Variants in TUB observed in about 807,000 individuals in gnomAD.
TUB encodes the protein TUB bipartite transcription factor.
TUB carries 33 observed loss-of-function variants against 59.7 expected under a neutral mutation model. That is an observed-to-expected ratio of 0.55 (90% confidence interval 0.42 to 0.74). TUB has a LOEUF of 0.74. Among genes scored for constraint, TUB ranks in the 30% least tolerant of loss-of-function variants. The pLI is 0.00. For synonymous variants in TUB, 293 were observed against 256.4 expected (o/e 1.14, Z -1.36); for missense variants, 659 against 672.0 (o/e 0.98, Z 0.21).
Position 8,090,147 on chromosome 11 carries a change from C to A in TUB, c.169C>A (p.Arg57=). ...MVQANADGRP[R]SRRARQSEEQ... is the part of the protein sequence containing the mutation. ...GCAGGCCAATGCAGATGGGCGGCCC[C>A]GGAGCCGGCGGGCCCGGCAGTCAGA... is the stretch of plus-strand genomic sequence containing the variant. The change falls in exon 3 of 12, where the codon CGG becomes AGG. Residue 57 remains arginine (R), a synonymous_variant. Transcript: ENST00000299506. 2 of 1,613,606 alleles carry A rather than the reference C, an allele frequency of 1.2e-6. No individual in the cohort carries two copies. Among genetic ancestry groups the A allele is most frequent in the Non-Finnish European group, 1.7e-6 (2 of 1,179,900 alleles).
intron 1 of TUB, 37 bp from the exon 2 acceptor site, chr11:8,089,573 A>G: frequency 6.2e-7 from 1 of 1,613,948 alleles, no homozygotes; most frequent in Non-Finnish European, 8.5e-7. Flanking sequence ...CTGGCACCTC[A>G]CGGGCAAGCC....
chr11:8,057,681 C>G (rs999905683), intron 2 of TUB, among the ~76,000 whole-genome samples: 3 of 152,070 alleles, frequency 2.0e-5, no homozygotes, highest in African/African-American at 4.8e-5. Context: ...CTTCAGCCCT[C>G]CAATAAAACT....
intron 2 of TUB, among the ~76,000 whole-genome samples, chr11:8,073,522 A>G (rs1186871275): frequency 6.6e-6 from 1 of 152,240 alleles, no homozygotes; most frequent in Admixed American, 6.5e-5. Context: ...GAGGATATAA[A>G]GGAAATGGCT....
chr11:8,099,652 C>T (rs1463198926), intron 9 of TUB, among the ~76,000 whole-genome samples: 3 of 152,166 alleles, frequency 2.0e-5, no homozygotes, highest in African/African-American at 7.2e-5. Flanking sequence ...AGCTATGAAA[C>T]AGATCTATCA....
chr11:8,104,449 T>G lies in TUB; in HGVS notation c.*2830T>G, dbSNP rs1399550194. On this transcript the variant is annotated 3_prime_UTR_variant, in exon 12 of 12. Coordinates refer to ENST00000299506, the MANE Select transcript of TUB (RefSeq NM_177972.3). ...GTGTATGTGTGTGTCTGTGCGTCTGTGTGTTTATTTGGGGAAAAGGGCAAT... is the reference window on the plus strand; with the variant it reads ...GTGTATGTGTGTGTCTGTGCGTCTGGGTGTTTATTTGGGGAAAAGGGCAAT... 1 of 152,238 alleles carries G rather than the reference T, an allele frequency of 6.6e-6. No homozygotes were observed. The highest frequency in any genetic ancestry group is 1.9e-4 in the East Asian group (1 of 5,198). The allele number at this position is 152,238 out of a possible 1,614,324, so 9.4% of individuals were successfully genotyped here.
chr11:8,064,853 T>C (rs973811588), intron 2 of TUB, among the ~76,000 whole-genome samples: 1 of 152,246 alleles, frequency 6.6e-6, no homozygotes, highest in African/African-American at 2.4e-5. Context: ...GCATAGGATT[T>C]GAAGTCAGCA....
At position 8,094,130 on chromosome 11, in the gene TUB, C is replaced by G; in HGVS notation, c.338C>G (p.Ala113Gly). The G allele has an allele frequency of 6.2e-7, 1 of 1,614,122 alleles. No individual in the cohort carries two copies. Among genetic ancestry groups the G allele is most frequent in the Middle Eastern group, 1.6e-4 (1 of 6,062 alleles). Residue 113 changes from alanine to glycine, a missense_variant, in exon 4 of 12, where the codon GCA becomes GGA. This residue lies in a region of TUB where 321 missense variants were observed against 304.3 expected (regional missense o/e 1.05). Coordinates refer to ENST00000299506, the MANE Select transcript of TUB (RefSeq NM_177972.3). ...APASAKRTKAAATAGGQGGAA... is the reference protein window; with the variant it reads ...APASAKRTKAGATAGGQGGAA... ...GCTTCAGCCAAGAGAACCAAGGCGGCAGCTACAGCAGGGGGCCAGGGTGGC... is the reference window on the plus strand; with the variant it reads ...GCTTCAGCCAAGAGAACCAAGGCGGGAGCTACAGCAGGGGGCCAGGGTGGC...
At chr11:8,035,251 C>T (rs1258327498), upstream of TUB, among the ~76,000 whole-genome samples, 2 of 152,238 alleles carry the variant, frequency 1.3e-5, no homozygotes, top group African/African-American at 4.8e-5. Context: ...ACTGGATTTG[C>T]GGGCCTTGTA....
At chr11:8,041,806 C>T (rs1425978005) in intron 2 of TUB, among the ~76,000 whole-genome samples, 1 of 152,158 alleles carries the variant, frequency 6.6e-6, no homozygotes, top group East Asian at 1.9e-4. Context: ...AGGGTCACTG[C>T]CTGCTTTCTC....
intron 3 of TUB, among the ~76,000 whole-genome samples, chr11:8,092,488 G>T (rs1444872484): frequency 1.3e-5 from 2 of 152,102 alleles, no homozygotes; most frequent in Admixed American, 1.3e-4. Context: ...ACCCTCTCTG[G>T]ATCTGTTTCC....
At chr11:8,096,556 A>G (rs2242501) in intron 5 of TUB, 129 bp from the exon 6 acceptor site, 493,128 of 712,982 alleles carry the variant, frequency 0.69, 174,020 homozygotes, top group Middle Eastern at 0.79. Flanking sequence ...GATATGGCTA[A>G]GAGTGTGTGC....
chr11:8,056,552 G>GAAAAGGTATTTGGGGGGAGGT (rs1943024493), intron 2 of TUB, among the ~76,000 whole-genome samples: 1 of 152,140 alleles, frequency 6.6e-6, no homozygotes, highest in Non-Finnish European at 1.5e-5. Context: ...TGGGGGGAGG[G>GAAAAGGTATTTGGGGGGAGGT]AAAAGGTATT....
At chr11:8,055,351 C>T (rs965215856) in intron 2 of TUB, among the ~76,000 whole-genome samples, 18 of 152,196 alleles carry the variant, frequency 1.2e-4, no homozygotes, top group South Asian at 2.1e-4. Context: ...CGCTGGGTGG[C>T]GCTGTAAGAA....
intron 5 of TUB, among the ~76,000 whole-genome samples, chr11:8,095,927 T>C (rs1160477574): frequency 6.6e-6 from 1 of 152,196 alleles, no homozygotes; most frequent in Non-Finnish European, 1.5e-5. Context: ...TTCCCATATG[T>C]TTGCTGAGCT....
intron 2 of TUB, chr11:8,062,178 G>A (rs750447988): frequency 6.6e-6 from 1 of 152,638 alleles, no homozygotes; most frequent in African/African-American, 2.4e-5. Flanking sequence ...TTTGGACCTG[G>A]GCCTGGGGAG....
chr11:8,054,778 TGTGCATGG>T (rs1942991534), intron 2 of TUB, among the ~76,000 whole-genome samples: 1 of 152,228 alleles, frequency 6.6e-6, no homozygotes, highest in Non-Finnish European at 1.5e-5. Flanking sequence ...TGTTCATACA[TGTGCATGG>T]GTGTATGTTC....
intron 2 of TUB, among the ~76,000 whole-genome samples, chr11:8,045,096 C>A (rs1942811039): frequency 1.3e-5 from 2 of 152,110 alleles, no homozygotes; most frequent in Admixed American, 1.3e-4. Context: ...CTTCTCCTTT[C>A]CCCAGTGGCT....
At chr11:8,088,960 ACCTCTGTGTGG>A (rs1352401436) in intron 1 of TUB, among the ~76,000 whole-genome samples, 1 of 152,030 alleles carries the variant, frequency 6.6e-6, no homozygotes, top group Non-Finnish European at 1.5e-5. Flanking sequence ...CCCTGCAGAC[ACCTCTGTGTGG>A]CCCAAACCCT....
At chr11:8,072,581 A>G (rs1208440201) in intron 2 of TUB, among the ~76,000 whole-genome samples, 2 of 152,176 alleles carry the variant, frequency 1.3e-5, no homozygotes, top group East Asian at 1.9e-4. Context: ...TGGGAGCTCT[A>G]AGTACTAAAT....
Sources: allele counts gnomAD v4.1 joint callset (sites outside exome capture counted in the v4.1 genomes callset), GRCh38; gene constraint gnomAD v4.1.1; regional missense constraint gnomAD v4.1.1; transcripts MANE v1.5; gene names NCBI Gene and HGNC (gene_info 2026-07-23, HGNC 2026-07-21).